Variants in RGS3 observed in about 807,000 individuals in gnomAD.
The protein encoded by RGS3 is regulator of G-protein signalling 3.
A neutral mutation model predicts 132.6 loss-of-function variants in RGS3; 80 were observed. That is an observed-to-expected ratio of 0.60 (90% CI 0.50 to 0.73). RGS3 has a LOEUF of 0.73. Ranked by LOEUF, RGS3 falls within the 30% of genes least tolerant of loss-of-function variation. The probability of loss-of-function intolerance (pLI) is 0.00; values close to 1 mark genes in which losing one functional copy is unlikely to be tolerated. For synonymous variants in RGS3, 598 were observed against 620.6 expected, an observed-to-expected ratio of 0.96 and a Z score of 0.54; for missense variants, 1,382 against 1,530.8, an observed-to-expected ratio of 0.90 and a Z score of 1.62.
Position 113,594,323 on chromosome 9 carries a change from G to A in RGS3, c.3081-107G>A, listed in dbSNP as rs745847467. 1.1e-5 allele frequency: 18 copies of A among 1,591,174 alleles called. No individual in the cohort carries two copies. The Admixed American group carries it at 1.4e-4, about 12-fold the overall frequency. ...ACTCGCAACGGGAACCTGCAGAGGC[G>A]ACACACGATGAAGGAGTAGGTGCCC... On this transcript the variant is annotated intron_variant, in intron 21 of 24. Coordinates refer to ENST00000350696, the Ensembl canonical transcript of RGS3.
intron 18 of RGS3, among the ~76,000 whole-genome samples, chr9:113,529,628 G>T (rs1405406720): frequency 6.6e-6 from 1 of 152,204 alleles, no homozygotes; most frequent in African/African-American, 2.4e-5. Flanking sequence ...CCTGATTCCT[G>T]TACCTGCCTC....
At chr9:113,485,553 T>C in intron 6 of RGS3, 72 bp from the exon 5 acceptor site, 1 of 1,203,930 alleles carries the variant, frequency 8.3e-7, no homozygotes, top group Non-Finnish European at 1.2e-6. Context: ...GAATTATGAC[T>C]GACTCTATGA....
chr9:113,595,518 T>A, intron 23 of RGS3, 81 bp from the exon 22 acceptor site: 1 of 1,505,372 alleles, frequency 6.6e-7, no homozygotes, highest in Non-Finnish European at 9.1e-7. Flanking sequence ...ATCTTTAAAG[T>A]CCTGTAGGGG....
At chr9:113,582,439 A>G (rs930737711) in intron 19 of RGS3, 2 of 152,976 alleles carry the variant, frequency 1.3e-5, no homozygotes, top group African/African-American at 4.8e-5. Context: ...TTTCCCTTTC[A>G]TTAGTTCTCA....
intron 3 of RGS3, among the ~76,000 whole-genome samples, chr9:113,462,862 C>T (rs983367926): frequency 8.5e-5 from 13 of 152,210 alleles, no homozygotes; most frequent in African/African-American, 2.9e-4. Flanking sequence ...AATACCAACA[C>T]TTCCCATTTT....
rs548193515 is a variant in RGS3 at position 113,551,598 on chromosome 9, C to G, written c.2037+14680C>G. Among the ~76,000 whole-genome samples, 14 of 152,190 alleles carry G rather than the reference C, an allele frequency of 9.2e-5. No homozygotes were observed. In the East Asian group the frequency reaches 2.7e-3, roughly 29 times the overall value. ...GGCGTGGTGGCTCATGTCTGTAATC[C>G]CAGAACTTTGGGAGGCTGAGGTGGG... is the stretch of plus-strand genomic sequence containing the variant. On this transcript the variant is annotated intron_variant, in intron 19 of 24. Coordinates refer to ENST00000350696, the Ensembl canonical transcript of RGS3.
At chr9:113,533,019 C>T (rs1358942345) in intron 18 of RGS3, among the ~76,000 whole-genome samples, 1 of 152,322 alleles carries the variant, frequency 6.6e-6, no homozygotes, top group African/African-American at 2.4e-5. Flanking sequence ...GGTGATGAGA[C>T]CTCCCCAGGT....
intron 3 of RGS3, among the ~76,000 whole-genome samples, chr9:113,474,995 AT>A (rs1487458067): frequency 6.6e-6 from 1 of 152,138 alleles, no homozygotes; most frequent in Non-Finnish European, 1.5e-5. Flanking sequence ...GCCAGACTGA[AT>A]TTCTTTAGCT....
chr9:113,536,496 G>A (rs927917186), intron 18 of RGS3: 3 of 1,073,956 alleles, frequency 2.8e-6, no homozygotes, highest in Admixed American at 9.8e-5. Flanking sequence ...GCCCCTGGGG[G>A]TGACCTCATC....
intron 19 of RGS3, among the ~76,000 whole-genome samples, chr9:113,557,864 G>A (rs1833633755): frequency 6.6e-6 from 1 of 152,222 alleles, no homozygotes; most frequent in Non-Finnish European, 1.5e-5. Flanking sequence ...CGAGGAAGGG[G>A]AACAGAGCAT....
chr9:113,477,549 T>C (rs1447269707), intron 3 of RGS3, among the ~76,000 whole-genome samples: 2 of 152,104 alleles, frequency 1.3e-5, no homozygotes, highest in Non-Finnish European at 2.9e-5. Context: ...GCTGCCAGCC[T>C]AGTTTCAAGA....
At position 113,537,797 on chromosome 9, in the gene RGS3, G is replaced by T. The variant is rs985201621; in HGVS notation, c.2037+879G>T. On this transcript the variant is annotated intron_variant, in intron 19 of 24. Transcript: ENST00000350696. This position sits in a 1 kb window ranked among gnomAD's most constrained non-coding sequence, Gnocchi z 4.3. ...TGCCATGGGCAGCAGGCCTATGCAGGGGGCAGTTGGGGGGCAGGCCTGCTG... is the reference window on the plus strand; with the variant it reads ...TGCCATGGGCAGCAGGCCTATGCAGTGGGCAGTTGGGGGGCAGGCCTGCTG... 4.3e-4 allele frequency among the ~76,000 whole-genome samples: 66 copies of T among 152,188 alleles called. No homozygotes were observed. The highest frequency in any genetic ancestry group is 3.8e-3 in the Admixed American group (58 of 15,280).
At position 113,591,857 on chromosome 9, in the gene RGS3, C is replaced by T. The variant is rs770380761; in HGVS notation, c.3080+460C>T. Reference sequence around the variant, plus strand: ...GAGGGGGCGCTGCTGGCCCAGCTGCCGAATCCCGCACTCGCCAAGCCTTTC... The same window carrying T: ...GAGGGGGCGCTGCTGGCCCAGCTGCTGAATCCCGCACTCGCCAAGCCTTTC... On this transcript the variant is annotated intron_variant, in intron 21 of 24. Coordinates refer to ENST00000350696, the Ensembl canonical transcript of RGS3. This position sits in a 1 kb window ranked among gnomAD's most constrained non-coding sequence, Gnocchi z 4.4. 30 of 169,768 alleles carry T rather than the reference C, an allele frequency of 1.8e-4. No individual in the cohort carries two copies. Among genetic ancestry groups the T allele is most frequent in the South Asian group, 5.7e-4 (4 of 6,964 alleles). The allele number at this position is 169,768 out of a possible 1,614,324, so 10.5% of individuals were successfully genotyped here.
chr9:113,594,789 C>T (rs972637763), intron 22 of RGS3, 130 bp from the exon 21 acceptor site: 8 of 878,778 alleles, frequency 9.1e-6, no homozygotes, highest in Non-Finnish European at 1.3e-5. Context: ...GGGCCTCCTT[C>T]CTGGGCGCCC....
Position 113,571,147 on chromosome 9 carries a change from C to T in RGS3, c.2038-12303C>T, listed in dbSNP as rs928732536. 2.6e-5 allele frequency among the ~76,000 whole-genome samples: 4 copies of T among 152,196 alleles called. No individual in the cohort carries two copies. In the East Asian group the frequency reaches 7.7e-4, roughly 29 times the overall value. On this transcript the variant is annotated intron_variant, in intron 19 of 24. Coordinates refer to ENST00000350696, the Ensembl canonical transcript of RGS3. ...AATATACCGCCACAGTTTATCTAAT[C>T]TACTGCTGATGAACATTTGTGTTGT... is the stretch of plus-strand genomic sequence containing the variant.
chr9:113,506,266 A>G lies in RGS3; in HGVS notation c.980-122A>G. 1.6e-6 allele frequency: 1 copy of G among 632,034 alleles called. No individual in the cohort carries two copies. Among genetic ancestry groups the G allele is most frequent in the Admixed American group, 2.9e-5 (1 of 34,640 alleles). 39.2% of individuals were successfully genotyped at this position (632,034 alleles called of 1,614,324 possible). A position where few individuals can be genotyped will look rare whatever the true frequency, so the allele number is the denominator to read the frequency against. ...AGTTCAGTCCCTCATTTCACGGATG[A>G]AGAAACTTAGAGAAAAAGGGAGGTC... On this transcript the variant is annotated intron_variant, in intron 11 of 24. Coordinates refer to ENST00000350696, the Ensembl canonical transcript of RGS3. The surrounding 1 kb of genome is among the most constrained non-coding windows in gnomAD (Gnocchi z 4.7).
At chr9:113,478,633 A>T (rs2119208295) in intron 3 of RGS3, among the ~76,000 whole-genome samples, 1 of 152,038 alleles carries the variant, frequency 6.6e-6, no homozygotes, top group Admixed American at 6.6e-5. Context: ...ACACAGCAAG[A>T]CCCCTTCTGT....
chr9:113,565,137 GAGCCACAGGGGACCCAC>G lies in RGS3; in HGVS notation c.2038-18308_2038-18292del. ...TGGGGCCAGCTTGGGCCCTGGGGAT[GAGCCACAGGGGACCCAC>G]AGCCTATGCGTGTGAGCATGTAACC... On this transcript the variant is annotated intron_variant, in intron 19 of 24. Coordinates refer to ENST00000350696, the Ensembl canonical transcript of RGS3. This position sits in a 1 kb window ranked among gnomAD's most constrained non-coding sequence, Gnocchi z 5.7. 1 of 1,180,334 alleles carries G rather than the reference GAGCCACAGGGGACCCAC, an allele frequency of 8.5e-7. No individual in the cohort carries two copies. Among genetic ancestry groups the G allele is most frequent in the Admixed American group, 3.7e-5 (1 of 27,384 alleles). 73.1% of individuals were successfully genotyped at this position (1,180,334 alleles called of 1,614,324 possible).
chr9:113,562,602 T>C (rs978709613), intron 19 of RGS3, among the ~76,000 whole-genome samples: 3 of 152,196 alleles, frequency 2.0e-5, no homozygotes, highest in Non-Finnish European at 4.4e-5. Context: ...GTGTTTGTTA[T>C]GTATGAAATA....
Sources: gnomAD v4.1 joint callset for allele counts (sites outside exome capture counted in the v4.1 genomes callset) on GRCh38, gnomAD v4.1.1 for gene constraint, Gnocchi (gnomAD v3.1) non-coding constraint, MANE v1.5 for transcripts, NCBI Gene and HGNC (gene_info 2026-07-23, HGNC 2026-07-21) for gene names.